TDRD1: variants seen among roughly 807,000 people sequenced by gnomAD.
TDRD1 encodes tudor domain-containing protein 1.
TDRD1 carries 37 observed loss-of-function variants against 140.6 expected under a neutral mutation model. The observed-to-expected ratio is 0.26, with a 90% CI of 0.20 to 0.35. The LOEUF (loss-of-function observed/expected upper bound fraction) is 0.35. TDRD1 is among the 10% of genes least tolerant of loss of function. The probability of loss-of-function intolerance (pLI) is 1.00; values close to 1 mark genes in which losing one functional copy is unlikely to be tolerated. For synonymous variants in TDRD1, 506 were observed against 475.7 expected (o/e 1.06, Z -0.83); for missense variants, 1,243 against 1,393.0 (o/e 0.89, Z 1.71).
At chr10:114,205,108 G>C (rs1396110260) in intron 10 of TDRD1, among the ~76,000 whole-genome samples, 1 of 152,190 alleles carries the variant, frequency 6.6e-6, no homozygotes, top group African/African-American at 2.4e-5. Context: ...TCATGTGGGT[G>C]TAACTACGAT....
chr10:114,182,927 G>T (rs1171840094), intron 1 of TDRD1, among the ~76,000 whole-genome samples: 1 of 151,842 alleles, frequency 6.6e-6, no homozygotes, highest in Non-Finnish European at 1.5e-5. Flanking sequence ...CTCGTGATCC[G>T]CCCGCCTCAG....
chr10:114,184,183 T>TC (rs2033332540), intron 1 of TDRD1, among the ~76,000 whole-genome samples: 2 of 152,028 alleles, frequency 1.3e-5, no homozygotes, highest in South Asian at 2.1e-4. Context: ...TTTTTTTTTT[T>TC]TACTATAAAT....
intron 16 of TDRD1, among the ~76,000 whole-genome samples, chr10:114,214,494 C>T (rs79605080): frequency 0.027 from 4,097 of 152,220 alleles, 92 homozygotes; most frequent in East Asian, 0.058. Flanking sequence ...CAGTGTACTC[C>T]AGCCTGGGCA....
At position 114,192,292 on chromosome 10, in the gene TDRD1, CTTTTT is replaced by C. The variant is rs938140798; in HGVS notation, c.384+1298_384+1302del. On this transcript the variant is annotated intron_variant, in intron 3 of 25. Transcript: ENST00000251864. ...TCCCCAAAAAAGTTTGATAGTTTTC[CTTTTT>C]TTTTTTTTTTTTTTTTTTTTTTTTG... Among the ~76,000 whole-genome samples the C allele has an allele frequency of 1.9e-3, 143 of 75,106 alleles. 4 individuals carry two copies. The highest frequency in any genetic ancestry group is 7.4e-3 in the African/African-American group (126 of 16,976). The allele number at this position is 75,106 out of a possible 152,430, so 49.3% of individuals were successfully genotyped here.
At chr10:114,210,409 T>C (rs1289705024) in intron 11 of TDRD1, among the ~76,000 whole-genome samples, 172 bp from the exon 12 acceptor site, 1 of 152,226 alleles carries the variant, frequency 6.6e-6, no homozygotes, top group African/African-American at 2.4e-5. Context: ...ACTGAGCTTA[T>C]TATAAACATT....
chr10:114,210,126 A>G (rs1263226488), intron 11 of TDRD1, among the ~76,000 whole-genome samples: 1 of 152,066 alleles, frequency 6.6e-6, no homozygotes, highest in Non-Finnish European at 1.5e-5. Context: ...TCTTTTTTGA[A>G]CTGTTGAATG....
intron 16 of TDRD1, among the ~76,000 whole-genome samples, chr10:114,215,517 A>T (rs1283501245): frequency 6.6e-6 from 1 of 152,170 alleles, no homozygotes; most frequent in African/African-American, 2.4e-5. Flanking sequence ...CCACATCCTC[A>T]CAAACATTGT....
At chr10:114,199,454 T>C in intron 4 of TDRD1, 137 bp downstream of exon 4, 2 of 1,073,766 alleles carry the variant, frequency 1.9e-6, no homozygotes, top group Non-Finnish European at 2.6e-6. Flanking sequence ...CCTCAGCAGC[T>C]GTCAGCATCC....
chr10:114,229,614 T>C (rs1318190353), intron 25 of TDRD1, among the ~76,000 whole-genome samples: 7 of 148,440 alleles, frequency 4.7e-5, no homozygotes, highest in Non-Finnish European at 1.0e-4. Flanking sequence ...AATGGCGTGA[T>C]CTCGGCTCAC....
intron 8 of TDRD1, 32 bp from the exon 9 acceptor site, chr10:114,204,041 T>C (rs2034939788): frequency 6.3e-7 from 1 of 1,579,236 alleles, no homozygotes; most frequent in Non-Finnish European, 8.5e-7. Context: ...AATGCTGTTA[T>C]GAAGCAGAGT....
At chr10:114,196,570 C>T (rs1225437821) in intron 3 of TDRD1, among the ~76,000 whole-genome samples, 1 of 151,982 alleles carries the variant, frequency 6.6e-6, no homozygotes, top group Non-Finnish European at 1.5e-5. Context: ...GTCAGCCCAC[C>T]TCCTCCTTTC....
At position 114,224,270 on chromosome 10, in the gene TDRD1, G is replaced by C. The variant is rs144448745; in HGVS notation, c.3007+1567G>C. Among the ~76,000 whole-genome samples the C allele has an allele frequency of 3.0e-4, 45 of 152,254 alleles. No individual in the cohort carries two copies. The East Asian group carries it at 6.9e-3, about 23-fold the overall frequency. On this transcript the variant is annotated intron_variant, in intron 21 of 25. Transcript: ENST00000251864. ...TGCTTTTATTGTGTTTTAGCTATTG[G>C]TGTTTCTGGTCAAAAGATTAATGTT...
intron 19 of TDRD1, 73 bp from the exon 20 acceptor site, chr10:114,221,284 A>T: frequency 7.3e-7 from 1 of 1,363,598 alleles, no homozygotes; most frequent in African/African-American, 1.5e-5. Context: ...TGATTGAATT[A>T]AATATGTTAC....
chr10:114,205,007 C>T lies in TDRD1; in HGVS notation c.1297+114C>T, dbSNP rs531730264. The T allele has an allele frequency of 1.5e-4, 127 of 844,622 alleles. No individual in the cohort carries two copies. In the African/African-American group the frequency reaches 2.1e-3, roughly 14 times the overall value. 52.3% of individuals were successfully genotyped at this position (844,622 alleles called of 1,614,324 possible). ...AGGTAAACTGCCCTCTGGAGTCATT[C>T]AGATTGTGACTGAACCCATTCTTGA... On this transcript the variant is annotated intron_variant, in intron 10 of 25. Transcript: ENST00000251864.
At chr10:114,214,933 G>A (rs1450923945) in intron 16 of TDRD1, among the ~76,000 whole-genome samples, 2 of 151,884 alleles carry the variant, frequency 1.3e-5, no homozygotes, top group Non-Finnish European at 2.9e-5. Flanking sequence ...AATAAAGGTG[G>A]GGTTTCACCG....
chr10:114,213,607 G>A lies in TDRD1; in HGVS notation c.2074+19G>A. 6.2e-7 allele frequency: 1 copy of A among 1,608,014 alleles called. No homozygotes were observed. Among genetic ancestry groups the A allele is most frequent in the Non-Finnish European group, 8.5e-7 (1 of 1,175,402 alleles). Reference sequence around the variant, plus strand: ...ACCAGTGGTAAGTCAAATGTTTACTGGATAATGCCTGTTCTGGAGTTCAGA... The same window carrying A: ...ACCAGTGGTAAGTCAAATGTTTACTAGATAATGCCTGTTCTGGAGTTCAGA... On this transcript the variant is annotated intron_variant, in intron 15 of 25. Transcript: ENST00000251864.
At chr10:114,227,093 G>C in exon 23 of TDRD1, 1 of 1,557,512 alleles carries the variant, frequency 6.4e-7, no homozygotes, top group Non-Finnish European at 8.8e-7. Context: ...TTGAATGGAA[G>C]CTCTTCTCAA....
intron 19 of TDRD1, 116 bp downstream of exon 19, chr10:114,220,959 A>C: frequency 4.6e-6 from 3 of 654,298 alleles, no homozygotes; most frequent in Non-Finnish European, 7.9e-6. Flanking sequence ...TTACGGACAT[A>C]GATTAGTAGG....
At chr10:114,228,011 A>G (rs1382955260) in intron 24 of TDRD1, 27 bp from the exon 25 acceptor site, 2 of 1,610,762 alleles carry the variant, frequency 1.2e-6, no homozygotes, top group Non-Finnish European at 1.7e-6. Flanking sequence ...TAGAAATTAA[A>G]TCATATGGTT....
Sources: gnomAD v4.1 joint callset for allele counts (sites outside exome capture counted in the v4.1 genomes callset) on GRCh38, gnomAD v4.1.1 for gene constraint, MANE v1.5 for transcripts, NCBI Gene and HGNC (gene_info 2026-07-23, HGNC 2026-07-21) for gene names.